The following DMD variants were observed in gnomAD, a reference collection of about 807,000 sequenced individuals.
DMD encodes mutant dystrophin.
In DMD, 63 loss-of-function variants were observed where a neutral mutation model predicts 330.1. That is an observed-to-expected ratio of 0.19 (90% CI 0.16 to 0.24). The LOEUF (loss-of-function observed/expected upper bound fraction) is 0.24. Ranked by LOEUF, DMD falls within the 10% of genes least tolerant of loss-of-function variation. The pLI is 1.00. For missense variants in DMD, 3,344 were observed against 2,684.1 expected (o/e 1.25, Z -5.43); for synonymous variants, 1,223 against 959.8 (o/e 1.27, Z -5.07).
At chrX:31,708,374 G>A (rs5927815) in intron 52 of DMD, among the ~76,000 whole-genome samples, 29,890 of 110,258 alleles carry the variant, frequency 0.27, 3,417 homozygotes, top group African/African-American at 0.41. Context: ...TATACGGGCA[G>A]ATCTAAAGCA....
intron 55 of DMD, among the ~76,000 whole-genome samples, chrX:31,510,665 G>A (rs996236612): frequency 7.8e-4 from 85 of 108,828 alleles, no homozygotes; most frequent in Non-Finnish European, 1.3e-3. Context: ...CCGCCACCAC[G>A]CCTGGCTAAT....
chrX:32,103,553 G>A (rs1020406226), intron 44 of DMD, among the ~76,000 whole-genome samples: 2 of 111,745 alleles, frequency 1.8e-5, no homozygotes, highest in Admixed American at 9.5e-5. Flanking sequence ...TGATCACTCC[G>A]TACACTGAAG....
chrX:32,272,569 G>A (rs954315111), intron 43 of DMD, among the ~76,000 whole-genome samples: 5 of 112,045 alleles, frequency 4.5e-5, no homozygotes, highest in Non-Finnish European at 9.4e-5. Context: ...GAAATGCCAT[G>A]GAGGCAGGCT....
chrX:31,597,956 G>A (rs190267480), intron 55 of DMD, among the ~76,000 whole-genome samples: 1 of 111,224 alleles, frequency 9.0e-6, no homozygotes, highest in East Asian at 2.8e-4. Context: ...AATGACTAAG[G>A]GGGACTCTAA....
chrX:32,644,840 C>T, intron 10 of DMD, 124 bp downstream of exon 10: 1 of 850,817 alleles, frequency 1.2e-6, no homozygotes, highest in African/African-American at 2.0e-5. Context: ...GTTGGAATCC[C>T]AAGCACATCA....
chrX:33,156,931 T>A (rs2048532805), intron 1 of DMD, among the ~76,000 whole-genome samples: 1 of 111,929 alleles, frequency 8.9e-6, no homozygotes, highest in Non-Finnish European at 1.9e-5. Context: ...TTTAATGTCC[T>A]TTGAAATTAT....
chrX:32,316,182 T>C (rs1204878194), intron 41 of DMD, among the ~76,000 whole-genome samples: 1 of 111,437 alleles, frequency 9.0e-6, no homozygotes, highest in African/African-American at 3.2e-5. Context: ...CATGAACACA[T>C]TTTCTAGAAC....
At chrX:31,291,171 AGTACAAGTTGCAAACTAG>A (rs758031433) in intron 62 of DMD, among the ~76,000 whole-genome samples, 21 of 111,984 alleles carry the variant, frequency 1.9e-4, no homozygotes, top group Non-Finnish European at 3.9e-4. Flanking sequence ...ATTAGTTGAA[AGTACAAGTTGCAAACTAG>A]CAGACTTTGG....
Position 31,134,323 on chromosome X carries a change from C to G in DMD, c.10922-129G>C, listed in dbSNP as rs1602036731. ...GCTCATAAATAACAAAGAAAACCCT[C>G]AAGCTTAATAATGAGGAAGTAATTC... On this transcript the variant is annotated intron_variant, in intron 76 of 78. Transcript: ENST00000357033. 10 of 525,305 alleles carry G rather than the reference C, an allele frequency of 1.9e-5. No individual in the cohort carries two copies. In the East Asian group the frequency reaches 3.7e-4, roughly 19 times the overall value. The allele number at this position is 525,305 out of a possible 1,213,427, so 43.3% of individuals were successfully genotyped here.
At chrX:32,436,953 T>TAA (rs35903191) in intron 29 of DMD, among the ~76,000 whole-genome samples, 6 of 103,634 alleles carry the variant, frequency 5.8e-5, no homozygotes, top group African/African-American at 1.4e-4. Context: ...ACCCTGTCTT[T>TAA]AAAAAAAAAA....
intron 11 of DMD, among the ~76,000 whole-genome samples, chrX:32,623,814 A>C (rs1354113422): frequency 8.9e-6 from 1 of 111,942 alleles, no homozygotes; most frequent in African/African-American, 3.3e-5. Flanking sequence ...GGCGTGAGCC[A>C]CCGCACCTAG....
intron 29 of DMD, among the ~76,000 whole-genome samples, chrX:32,437,749 A>C (rs893478191): frequency 8.9e-6 from 1 of 112,617 alleles, no homozygotes; most frequent in Non-Finnish European, 1.9e-5. Context: ...GAAATTTGCT[A>C]TTTTGTTTTA....
At chrX:32,985,563 G>A (rs951372852) in intron 2 of DMD, among the ~76,000 whole-genome samples, 10 of 111,246 alleles carry the variant, frequency 9.0e-5, no homozygotes, top group East Asian at 2.8e-4. Context: ...GTTTACTCCC[G>A]GAGAACCTTA....
chrX:32,109,599 A>G (rs780355058), intron 44 of DMD, among the ~76,000 whole-genome samples: 7 of 50,569 alleles, frequency 1.4e-4, no homozygotes, highest in Non-Finnish European at 3.3e-5. Context: ...CATTGTACAG[A>G]TACAGAAATT....
chrX:31,425,095 A>G (rs1355285816), intron 60 of DMD, among the ~76,000 whole-genome samples: 1 of 112,752 alleles, frequency 8.9e-6, no homozygotes, highest in Non-Finnish European at 1.9e-5. Context: ...CCTATGTGTT[A>G]GTCTGCACAA....
At chrX:31,996,728 C>T (rs952771226) in intron 44 of DMD, among the ~76,000 whole-genome samples, 5 of 111,303 alleles carry the variant, frequency 4.5e-5, no homozygotes, top group South Asian at 3.7e-4. Flanking sequence ...CTCAGCCTTA[C>T]GTAGCGTTGC....
intron 7 of DMD, among the ~76,000 whole-genome samples, chrX:32,749,037 C>A (rs1569507452): frequency 8.9e-6 from 1 of 111,905 alleles, no homozygotes; most frequent in African/African-American, 3.2e-5. Context: ...ACATACAGAA[C>A]CCAAAAAATA....
chrX:31,588,599 A>T (rs1465525001), intron 55 of DMD, among the ~76,000 whole-genome samples: 3 of 111,479 alleles, frequency 2.7e-5, no homozygotes, highest in African/African-American at 9.8e-5. Flanking sequence ...CGACTCTGGA[A>T]CTTTTTTCCT....
At chrX:31,971,660 T>A (rs188225988) in intron 44 of DMD, among the ~76,000 whole-genome samples, 2 of 111,708 alleles carry the variant, frequency 1.8e-5, no homozygotes, top group Non-Finnish European at 3.8e-5. Context: ...GTAGCTTGTA[T>A]GTGGTGTTTT....
Sources: gnomAD v4.1 joint callset for allele counts (sites outside exome capture counted in the v4.1 genomes callset) on GRCh38, gnomAD v4.1.1 for gene constraint, MANE v1.5 for transcripts, NCBI Gene and HGNC (gene_info 2026-07-23, HGNC 2026-07-21) for gene names.